Variants in SLC14A2 observed in about 807,000 individuals in gnomAD.
SLC14A2 encodes the protein urea transporter 2.
Under a neutral mutation model 104.6 loss-of-function variants are expected in SLC14A2, and 91 were observed. That is an observed-to-expected ratio of 0.87 (90% CI 0.73 to 1.04). The LOEUF (loss-of-function observed/expected upper bound fraction) is 1.04, where lower values mean the gene tolerates loss of function less well. SLC14A2 is among the 50% of genes least tolerant of loss of function. SLC14A2 has a pLI of 0.00. For synonymous variants in SLC14A2, 476 were observed against 466.4 expected (o/e 1.02, Z -0.27); for missense variants, 1,189 against 1,156.0 (o/e 1.03, Z -0.41).
At chr18:45,471,942 T>C (rs2087257059) in intron 1 of SLC14A2, among the ~76,000 whole-genome samples, 2 of 152,148 alleles carry the variant, frequency 1.3e-5, no homozygotes, top group African/African-American at 4.8e-5. Context: ...GTTTGTTACA[T>C]AGGTATACAC....
At chr18:45,255,269 C>G (rs143974272) in intron 1 of SLC14A2, among the ~76,000 whole-genome samples, 12 of 152,290 alleles carry the variant, frequency 7.9e-5, no homozygotes, top group African/African-American at 2.9e-4. Flanking sequence ...TGGCTCACAT[C>G]ACCTCTAGTG....
intron 2 of SLC14A2, among the ~76,000 whole-genome samples, chr18:45,569,723 C>A (rs2044319515): frequency 6.6e-6 from 1 of 152,198 alleles, no homozygotes; most frequent in Non-Finnish European, 1.5e-5. Flanking sequence ...ATTAAATAAT[C>A]TGTCTACCAA....
intron 1 of SLC14A2, among the ~76,000 whole-genome samples, chr18:45,433,174 C>G (rs1270125399): frequency 1.3e-5 from 2 of 152,172 alleles, no homozygotes; most frequent in African/African-American, 4.8e-5. Context: ...TACCAAGGGA[C>G]TGCAGGCAGG....
At chr18:45,632,091 A>G (rs1053535502) in intron 4 of SLC14A2, among the ~76,000 whole-genome samples, 1 of 152,054 alleles carries the variant, frequency 6.6e-6, no homozygotes, top group Non-Finnish European at 1.5e-5. Context: ...AACCACAGAC[A>G]AAGTGCATAA....
chr18:45,454,498 CTTTAG>C lies in SLC14A2; in HGVS notation c.-124-28730_-124-28726del, dbSNP rs536915518. 4.6e-3 allele frequency among the ~76,000 whole-genome samples: 698 copies of C among 152,306 alleles called. 11 individuals are homozygous for C. The highest frequency in any genetic ancestry group is 0.014 in the Middle Eastern group (4 of 294). ...TAGTTTCTTTTGCTATGCAAAAGCT[CTTTAG>C]TTTAATTAGATCCCATTTGTCAATT... On this transcript the variant is annotated intron_variant, in intron 1 of 20. Coordinates refer to the SLC14A2 transcript ENST00000586448.
At chr18:45,650,429 GC>G (rs2045713153) in intron 10 of SLC14A2, among the ~76,000 whole-genome samples, 1 of 151,940 alleles carries the variant, frequency 6.6e-6, no homozygotes, top group Admixed American at 6.6e-5. Flanking sequence ...TCACAGATGG[GC>G]CCCTGTGTAG....
intron 1 of SLC14A2, among the ~76,000 whole-genome samples, chr18:45,305,655 G>A (rs1171239892): frequency 6.6e-6 from 1 of 152,162 alleles, no homozygotes; most frequent in Non-Finnish European, 1.5e-5. Context: ...TAAGTCACTA[G>A]CGCACAGCTT....
intron 2 of SLC14A2, among the ~76,000 whole-genome samples, chr18:45,538,372 T>C (rs185548053): frequency 1.7e-3 from 258 of 152,360 alleles, no homozygotes; most frequent in Non-Finnish European, 2.7e-3. Flanking sequence ...AAAACCTTGC[T>C]TTTGCTGGCT....
At chr18:45,533,088 G>C (rs2043723379) in intron 2 of SLC14A2, among the ~76,000 whole-genome samples, 2 of 151,416 alleles carry the variant, frequency 1.3e-5, no homozygotes, top group East Asian at 3.9e-4. Flanking sequence ...TGTGCTGCTG[G>C]ATTCGGTTTG....
chr18:45,205,872 C>G, the SLC14A2 span, among the ~76,000 whole-genome samples: 1 of 152,188 alleles, frequency 6.6e-6, no homozygotes, highest in African/African-American at 2.4e-5. Context: ...TTGCTCTCCC[C>G]TTCCATGCTA....
chr18:45,550,576 T>C (rs2044042655), intron 2 of SLC14A2, among the ~76,000 whole-genome samples: 1 of 152,074 alleles, frequency 6.6e-6, no homozygotes, highest in South Asian at 2.1e-4. Flanking sequence ...AACAGATAAA[T>C]GAATGGCTCA....
chr18:45,197,153 A>C, the SLC14A2 span, among the ~76,000 whole-genome samples: 1 of 152,248 alleles, frequency 6.6e-6, no homozygotes, highest in Non-Finnish European at 1.5e-5. Context: ...CCTATTGTGC[A>C]TTCCAACTAA....
At chr18:45,490,334 G>A (rs1166523154) in intron 2 of SLC14A2, among the ~76,000 whole-genome samples, 2 of 152,166 alleles carry the variant, frequency 1.3e-5, no homozygotes, top group Non-Finnish European at 2.9e-5. Flanking sequence ...ATGATGGGGT[G>A]ATTACAACTA....
chr18:45,278,306 G>A (rs749007318), intron 1 of SLC14A2, among the ~76,000 whole-genome samples: 2 of 152,128 alleles, frequency 1.3e-5, no homozygotes, highest in Admixed American at 1.3e-4. Context: ...ATTTGGGGTC[G>A]GATAATTTTT....
At chr18:45,627,588 C>T (rs187313118) in intron 4 of SLC14A2, among the ~76,000 whole-genome samples, 68 of 152,084 alleles carry the variant, frequency 4.5e-4, no homozygotes, top group African/African-American at 1.3e-3. Flanking sequence ...TGAGAGAAGG[C>T]GAGGAGAGAG....
intron 2 of SLC14A2, among the ~76,000 whole-genome samples, chr18:45,593,640 C>G (rs1032217510): frequency 1.3e-5 from 2 of 151,606 alleles, no homozygotes; most frequent in African/African-American, 4.8e-5. Context: ...CAGGTGCCTG[C>G]CACCACGCCC....
intron 2 of SLC14A2, among the ~76,000 whole-genome samples, chr18:45,511,989 G>A (rs1467156471): frequency 2.0e-5 from 3 of 152,172 alleles, no homozygotes; most frequent in African/African-American, 7.2e-5. Context: ...GAAGAAAGAG[G>A]AAGGTAGAAA....
At chr18:45,591,480 G>GCCCA in intron 2 of SLC14A2, among the ~76,000 whole-genome samples, 1 of 152,188 alleles carries the variant, frequency 6.6e-6, no homozygotes, top group Middle Eastern at 3.4e-3. Flanking sequence ...GATTACAGGT[G>GCCCA]CCCACCACCA....
chr18:45,393,692 C>G (rs1160013590), intron 1 of SLC14A2, among the ~76,000 whole-genome samples: 3 of 152,168 alleles, frequency 2.0e-5, no homozygotes, highest in Admixed American at 6.5e-5. Context: ...GGGGAAGCAC[C>G]TTGCTTGCTC....
Sources: gnomAD v4.1 joint callset for allele counts (sites outside exome capture counted in the v4.1 genomes callset) on GRCh38, gnomAD v4.1.1 for gene constraint, MANE v1.5 for transcripts, NCBI Gene and HGNC (gene_info 2026-07-23, HGNC 2026-07-21) for gene names.